ATP9A: variants seen among roughly 807,000 people sequenced by gnomAD.
The protein encoded by ATP9A is probable phospholipid-transporting ATPase IIA.
In ATP9A, 52 loss-of-function variants were observed where a neutral mutation model predicts 144.1. That is an observed-to-expected ratio of 0.36 (90% confidence interval 0.29 to 0.45). The LOEUF (loss-of-function observed/expected upper bound fraction) is 0.45, where lower values mean the gene tolerates loss of function less well. Ranked by LOEUF, ATP9A falls within the 20% of genes least tolerant of loss-of-function variation. ATP9A has a pLI of 1.00. For synonymous variants in ATP9A, 582 were observed against 557.4 expected (o/e 1.04, Z -0.62); for missense variants, 947 against 1,392.7 (o/e 0.68, Z 5.09).
At chr20:51,761,085 CCATCACA>C (rs2122920513) in intron 1 of ATP9A, among the ~76,000 whole-genome samples, 1 of 152,246 alleles carries the variant, frequency 6.6e-6, no homozygotes, top group South Asian at 2.1e-4. Context: ...AACACCACCT[CCATCACA>C]TCAAAGAGAA....
In ATP9A at chr20:51,734,329, G is replaced by C. The variant is rs116091201; in HGVS notation, c.69-4351C>G. Among the ~76,000 whole-genome samples, 1,430 of 152,166 alleles carry C rather than the reference G, an allele frequency of 9.4e-3. 18 individuals carry two copies. The highest frequency in any genetic ancestry group is 0.032 in the African/African-American group (1,344 of 41,526). ...GAATTCATGAGGATTCTGCCTTCAT[G>C]ACCCAATCACCTCCTCAGTGCCCAA... On this transcript the variant is annotated intron_variant, in intron 1 of 27. Transcript: ENST00000338821.
intron 10 of ATP9A, among the ~76,000 whole-genome samples, chr20:51,674,886 A>T (rs1284488215): frequency 1.3e-5 from 2 of 152,144 alleles, no homozygotes; most frequent in African/African-American, 4.8e-5. Flanking sequence ...GCAAGGGCAC[A>T]ATCTTGGCTC....
At chr20:51,730,830 G>A (rs951299502) in intron 1 of ATP9A, among the ~76,000 whole-genome samples, 1 of 152,174 alleles carries the variant, frequency 6.6e-6, no homozygotes, top group Non-Finnish European at 1.5e-5. Flanking sequence ...TATGTGGTCT[G>A]TGGTTGGTTG....
At chr20:51,723,323 G>A (rs1023987325) in intron 3 of ATP9A, among the ~76,000 whole-genome samples, 1 of 151,852 alleles carries the variant, frequency 6.6e-6, no homozygotes, top group African/African-American at 2.4e-5. Context: ...GGTGATGAGT[G>A]TGCCAAAATC....
intron 3 of ATP9A, among the ~76,000 whole-genome samples, chr20:51,725,618 G>T (rs1380875831): frequency 6.6e-6 from 1 of 152,150 alleles, no homozygotes; most frequent in Admixed American, 6.6e-5. Context: ...AACGGCACAG[G>T]CTTTGCTATA....
intron 3 of ATP9A, among the ~76,000 whole-genome samples, chr20:51,713,838 G>A (rs1332702114): frequency 6.6e-6 from 1 of 152,194 alleles, no homozygotes. Context: ...AGATTTCTCT[G>A]CCGGGAAGGA....
At chr20:51,715,203 T>C (rs1031381404) in intron 3 of ATP9A, among the ~76,000 whole-genome samples, 4 of 152,236 alleles carry the variant, frequency 2.6e-5, no homozygotes, top group African/African-American at 9.6e-5. Flanking sequence ...TATGTAAATC[T>C]ATCCAGAGAT....
chr20:51,741,220 A>G (rs990956423), intron 1 of ATP9A, among the ~76,000 whole-genome samples: 3 of 152,096 alleles, frequency 2.0e-5, no homozygotes, highest in Admixed American at 2.0e-4. Context: ...CCCTTTCAAG[A>G]CACCTCCTTC....
intron 27 of ATP9A, 112 bp from the exon 28 acceptor site, chr20:51,601,459 A>G (rs2077142774): frequency 1.1e-5 from 13 of 1,141,584 alleles, no homozygotes; most frequent in Non-Finnish European, 1.6e-5. Flanking sequence ...CCCGTCACAA[A>G]CCCACAGCCT....
At chr20:51,717,895 A>C in intron 3 of ATP9A, among the ~76,000 whole-genome samples, 1 of 151,874 alleles carries the variant, frequency 6.6e-6, no homozygotes, top group Non-Finnish European at 1.5e-5. Context: ...TGGAGGCTGC[A>C]GTGAGCTGAG....
At chr20:51,627,067 A>G (rs1381204791) in intron 17 of ATP9A, among the ~76,000 whole-genome samples, 1 of 151,834 alleles carries the variant, frequency 6.6e-6, no homozygotes. Flanking sequence ...CAAAAAAAAA[A>G]AAAAAAGAAG....
At chr20:51,717,169 CAAA>C (rs10577089) in intron 3 of ATP9A, among the ~76,000 whole-genome samples, 7 of 101,518 alleles carry the variant, frequency 6.9e-5, no homozygotes, top group Non-Finnish European at 1.9e-5. Flanking sequence ...AAGACTGCCT[CAAA>C]AAAAAAAAAA....
At chr20:51,710,357 T>C (rs2077632658) in intron 4 of ATP9A, among the ~76,000 whole-genome samples, 1 of 152,150 alleles carries the variant, frequency 6.6e-6, no homozygotes, top group Admixed American at 6.6e-5. Context: ...ATCATGAATA[T>C]ACTCATACAT....
chr20:51,751,599 G>C (rs1178709032), intron 1 of ATP9A, among the ~76,000 whole-genome samples: 1 of 151,152 alleles, frequency 6.6e-6, no homozygotes, highest in Non-Finnish European at 1.5e-5. Context: ...TTTTTGTTTT[G>C]TTTTGTTTTG....
chr20:51,610,400 G>A (rs1262392781), intron 23 of ATP9A, among the ~76,000 whole-genome samples: 11 of 152,152 alleles, frequency 7.2e-5, no homozygotes, highest in Admixed American at 6.6e-4. Flanking sequence ...GAGGGTACGT[G>A]GCTTGCCCAA....
At chr20:51,704,875 T>G (rs2077608779) in intron 4 of ATP9A, among the ~76,000 whole-genome samples, 1 of 152,240 alleles carries the variant, frequency 6.6e-6, no homozygotes, top group Non-Finnish European at 1.5e-5. Context: ...TAAGATTCAC[T>G]TGTACCTGCT....
chr20:51,697,600 A>C (rs1601111666), intron 4 of ATP9A, 118 bp from the exon 5 acceptor site: 1 of 857,944 alleles, frequency 1.2e-6, no homozygotes, highest in South Asian at 1.6e-5. Flanking sequence ...GCTCCCACAC[A>C]CAGCTGCCAG....
chr20:51,718,085 C>A lies in ATP9A; in HGVS notation c.328-5011G>T, dbSNP rs549266447. On this transcript the variant is annotated intron_variant, in intron 3 of 27. Coordinates refer to ENST00000338821, the MANE Select transcript of ATP9A (RefSeq NM_006045.3). Reference sequence around the variant, plus strand: ...ATGTCTGTACCCCAAGACATTGCAGCCAGGGCAATGGATAAGGGGAGGCGG... The same window carrying A: ...ATGTCTGTACCCCAAGACATTGCAGACAGGGCAATGGATAAGGGGAGGCGG... Among the ~76,000 whole-genome samples, 13 of 152,212 alleles carry A rather than the reference C, an allele frequency of 8.5e-5. No homozygotes were observed. In the East Asian group the frequency reaches 2.5e-3, roughly 29 times the overall value.
intron 4 of ATP9A, among the ~76,000 whole-genome samples, chr20:51,697,802 C>G (rs547892488): frequency 6.6e-6 from 1 of 152,168 alleles, no homozygotes; most frequent in Non-Finnish European, 1.5e-5. Context: ...TTCAACACCA[C>G]TTAACAGTGA....
Sources: allele counts gnomAD v4.1 joint callset (sites outside exome capture counted in the v4.1 genomes callset), GRCh38; gene constraint gnomAD v4.1.1; transcripts MANE v1.5; gene names NCBI Gene and HGNC (gene_info 2026-07-23, HGNC 2026-07-21).